The following KCNC3 variants were observed in gnomAD, a reference collection of about 807,000 sequenced individuals.
KCNC3 encodes the protein voltage-gated potassium channel KCNC3.
Under a neutral mutation model 43.9 loss-of-function variants are expected in KCNC3, and 22 were observed. The observed-to-expected ratio is 0.50, with a 90% CI of 0.36 to 0.72. KCNC3 has a LOEUF of 0.72. Among genes scored for constraint, KCNC3 ranks in the 30% least tolerant of loss-of-function variants. The pLI, the probability that KCNC3 is intolerant of heterozygous loss-of-function variation, is 0.00. For synonymous variants in KCNC3, 492 were observed against 488.0 expected (o/e 1.01, Z -0.11); for missense variants, 829 against 1,073.8 (o/e 0.77, Z 3.19).
intron 2 of KCNC3, 46 bp from the exon 3 acceptor site, chr19:50,320,830 G>A (rs2037023783): frequency 1.3e-6 from 2 of 1,592,680 alleles, no homozygotes; most frequent in African/African-American, 1.3e-5. Context: ...AGAGAGTGAG[G>A]TGCGGTGAAC....
intron 2 of KCNC3, 111 bp downstream of exon 2, chr19:50,322,863 TC>T: frequency 8.9e-7 from 1 of 1,127,196 alleles, no homozygotes. Context: ...GGTTTTTTTC[TC>T]CCTCACCTCT....
chr19:50,322,999 C>G lies in KCNC3; in HGVS notation c.1954G>C (p.Glu652Gln). The G allele has an allele frequency of 3.9e-6, 6 of 1,550,340 alleles. No individual in the cohort carries two copies. The highest frequency in any genetic ancestry group is 5.2e-6 in the Non-Finnish European group (6 of 1,147,340). Residue 652 changes from glutamate to glutamine, a missense_variant, in exon 2 of 5, where the codon GAG becomes CAG. Transcript: ENST00000477616. ...PGEPCPLAQEEVIEINRADPR... is the reference protein window; with the variant it reads ...PGEPCPLAQEQVIEINRADPR... ...CCTGCCCGGTTGATCTCAATCACCT[C>G]CTCCTGAGCCAACGGGCAAGGCTCG...
chr19:50,327,988 G>A (rs911974051), intron 1 of KCNC3, among the ~76,000 whole-genome samples: 1 of 150,838 alleles, frequency 6.6e-6, no homozygotes, highest in African/African-American at 2.4e-5. Context: ...GAGGGGTCTG[G>A]AAGAGCCCGA....
intron 1 of KCNC3, among the ~76,000 whole-genome samples, chr19:50,326,504 A>G (rs1350579102): frequency 1.3e-5 from 2 of 151,842 alleles, no homozygotes; most frequent in Non-Finnish European, 2.9e-5. Context: ...CCCGGCGCGA[A>G]TGCGGCACTG....
Position 50,323,993 on chromosome 19 carries a change from G to T in KCNC3, c.960C>A (p.Asn320Lys). The change falls in exon 2 of 5, where the codon AAC becomes AAA. Residue 320 changes from asparagine to lysine, a missense_variant. Physicochemically the swap from Asn to Lys is moderately conservative, Grantham distance 94. This residue lies in a region of KCNC3 where 157 missense variants were observed against 293.5 expected (regional missense o/e 0.53). Transcript: ENST00000477616. Reference protein sequence around the residue: ...ETHEGFIHISNKTVTQASPIP... With the variant: ...ETHEGFIHISKKTVTQASPIP... ...TCGGGGAGGCCTGGGTCACCGTCTTGTTGCTAATATGGATGAAGCCCTCAT... is the reference window on the plus strand; with the variant it reads ...TCGGGGAGGCCTGGGTCACCGTCTTTTTGCTAATATGGATGAAGCCCTCAT... 6.2e-7 allele frequency: 1 copy of T among 1,612,838 alleles called. No individual in the cohort carries two copies. Among genetic ancestry groups the T allele is most frequent in the South Asian group, 1.1e-5 (1 of 91,056 alleles).
At chr19:50,327,870 G>A (rs1376648871) in intron 1 of KCNC3, among the ~76,000 whole-genome samples, 2 of 151,710 alleles carry the variant, frequency 1.3e-5, no homozygotes, top group Admixed American at 1.3e-4. Flanking sequence ...TCTCAGAGGA[G>A]CCCAGGAAAG....
chr19:50,330,125 G>A (rs2037169466), upstream of KCNC3, among the ~76,000 whole-genome samples: 1 of 152,128 alleles, frequency 6.6e-6, no homozygotes, highest in Admixed American at 6.6e-5. Context: ...AAATTAGTCG[G>A]GCGTGGTTGT....
At chr19:50,330,859 G>C (rs1351068553), upstream of KCNC3, among the ~76,000 whole-genome samples, 1 of 152,140 alleles carries the variant, frequency 6.6e-6, no homozygotes, top group Non-Finnish European at 1.5e-5. Flanking sequence ...CGTAGGCTCC[G>C]AGAGGCAGAG....
In KCNC3 at chr19:50,324,110, G is replaced by A. The variant is rs769032604; in HGVS notation, c.871-28C>T. The A allele has an allele frequency of 6.4e-7, 1 of 1,560,060 alleles. No homozygotes were observed. The highest frequency in any genetic ancestry group is 1.2e-5 in the South Asian group (1 of 81,756). Reference sequence around the variant, plus strand: ...GCAGGGCAGGGAGGGAGAGAGAGGGGGAGAGGTGACCTAGGCATCAGGTTG... The same window carrying A: ...GCAGGGCAGGGAGGGAGAGAGAGGGAGAGAGGTGACCTAGGCATCAGGTTG... On this transcript the variant is annotated intron_variant, in intron 1 of 4. Coordinates refer to ENST00000477616, the MANE Select transcript of KCNC3 (RefSeq NM_004977.3). The surrounding 1 kb of genome is among the most constrained non-coding windows in gnomAD (Gnocchi z 4.1).
In KCNC3 at chr19:50,316,061, A is replaced by G; in HGVS notation, c.*54T>C. On this transcript the variant is annotated 3_prime_UTR_variant, in exon 5 of 5. Transcript: ENST00000477616. ...GGGGGAAGGGGCGGGGGGGACCGAAAGTCTCGCGAGGTCTCAGGCGGTGAC... is the reference window on the plus strand; with the variant it reads ...GGGGGAAGGGGCGGGGGGGACCGAAGGTCTCGCGAGGTCTCAGGCGGTGAC... 1 of 364,566 alleles carries G rather than the reference A, an allele frequency of 2.7e-6. No individual in the cohort carries two copies. Among genetic ancestry groups the G allele is most frequent in the Non-Finnish European group, 5.1e-6 (1 of 195,410 alleles). 22.6% of individuals were successfully genotyped at this position (364,566 alleles called of 1,614,324 possible).
In KCNC3 at chr19:50,329,047, C is replaced by A; in HGVS notation, c.36G>T (p.Gly12=). ...GCTGCTGCTTGCTGGCCCCCTGGCG[C>A]CCGCGGAAGGACGAGACGCAGACTG... ...LSSVCVSSFR[G]RQGASKQQPA... The change falls in exon 1 of 5, where the codon GGG becomes GGT. Residue 12 remains glycine (G), a synonymous_variant. Transcript: ENST00000477616. 7.4e-7 allele frequency: 1 copy of A among 1,348,840 alleles called. No individual in the cohort carries two copies. Among genetic ancestry groups the A allele is most frequent in the Non-Finnish European group, 9.6e-7 (1 of 1,045,966 alleles). The allele number at this position is 1,348,840 out of a possible 1,614,324, so 83.6% of individuals were successfully genotyped here.
upstream of KCNC3, among the ~76,000 whole-genome samples, chr19:50,332,420 T>C (rs1267293487): frequency 1.3e-5 from 2 of 152,084 alleles, no homozygotes; most frequent in African/African-American, 4.8e-5. This position sits in a 1 kb window ranked among gnomAD's most constrained non-coding sequence, Gnocchi z 5.8. Context: ...GCGATGCGAC[T>C]CAGGATTAGA....
rs543463048 is a variant in KCNC3 at position 50,324,648 on chromosome 19, C to T, written c.871-566G>A. On this transcript the variant is annotated intron_variant, in intron 1 of 4. Coordinates refer to ENST00000477616, the MANE Select transcript of KCNC3 (RefSeq NM_004977.3). This position sits in a 1 kb window ranked among gnomAD's most constrained non-coding sequence, Gnocchi z 4.1. ...AAACTGGGCAAGGAGACTGAGCTTT[C>T]TGAACCAGAAGTTTGTAGTGGGATT... is the stretch of plus-strand genomic sequence containing the variant. 6.6e-6 allele frequency among the ~76,000 whole-genome samples: 1 copy of T among 152,300 alleles called. No homozygotes were observed. Among genetic ancestry groups the T allele is most frequent in the Non-Finnish European group, 1.5e-5 (1 of 68,036 alleles).
rs200426120 is a variant in KCNC3, at chr19:50,323,280, T to C, written c.1673A>G (p.Lys558Arg). 25 of 1,608,894 alleles carry C rather than the reference T, an allele frequency of 1.6e-5. No individual in the cohort carries two copies. Among genetic ancestry groups the C allele is most frequent in the Non-Finnish European group, 2.0e-5 (24 of 1,180,012 alleles). Residue 558 changes from lysine (K) to arginine (R), a missense_variant, in exon 2 of 5, where the codon AAG (lysine) becomes AGG (arginine). Lys to Arg is a conservative substitution (Grantham distance 26). Transcript: ENST00000477616. ...LAMAKQKLPK[K>R]KNKHIPRPPQ... ...GGGCCGGGGGATGTGTTTGTTCTTCTTCTTGGGCAGCTTCTGCTTGGCCAT... is the reference window on the plus strand; with the variant it reads ...GGGCCGGGGGATGTGTTTGTTCTTCCTCTTGGGCAGCTTCTGCTTGGCCAT...
rs760460194 is a variant in KCNC3 at position 50,314,755 on chromosome 19, A to AT, written c.*1359dup. On this transcript the variant is annotated 3_prime_UTR_variant, in exon 5 of 5. Coordinates refer to ENST00000477616, the MANE Select transcript of KCNC3 (RefSeq NM_004977.3). ...GTTGCATATTATTAATGACTTTTTGATTTTTTTTAAAAAAACCCTTTTCCC... is the reference window on the plus strand; with the variant it reads ...GTTGCATATTATTAATGACTTTTTGATTTTTTTTTAAAAAAACCCTTTTCCC... The AT allele has an allele frequency of 3.9e-4, 170 of 435,154 alleles. No individual in the cohort carries two copies. The highest frequency in any genetic ancestry group is 6.5e-4 in the Non-Finnish European group (142 of 218,502). The allele number at this position is 435,154 out of a possible 1,614,324, so 27.0% of individuals were successfully genotyped here.
At position 50,316,047 on chromosome 19, in the gene KCNC3, C is replaced by CG. The variant is rs1404275446; in HGVS notation, c.*67dup. ...CAATTGCTAACCTGGGGGGAAGGGG[C>CG]GGGGGGGACCGAAAGTCTCGCGAGG... On this transcript the variant is annotated 3_prime_UTR_variant, in exon 5 of 5. Coordinates refer to ENST00000477616, the MANE Select transcript of KCNC3 (RefSeq NM_004977.3). 4.5e-5 allele frequency: 9 copies of CG among 201,792 alleles called. No homozygotes were observed. The highest frequency in any genetic ancestry group is 7.4e-5 in the Non-Finnish European group (8 of 108,042). 12.5% of individuals were successfully genotyped at this position (201,792 alleles called of 1,614,324 possible). A position where few individuals can be genotyped will look rare whatever the true frequency, so the allele number is the denominator to read the frequency against.
chr19:50,331,159 C>A (rs1211337465), upstream of KCNC3, among the ~76,000 whole-genome samples: 1 of 151,896 alleles, frequency 6.6e-6, no homozygotes, highest in Non-Finnish European at 1.5e-5. Flanking sequence ...TCCGACCCCT[C>A]GTTTGTAAAT....
rs1317669820 is a variant in KCNC3, at chr19:50,315,018, AG to A, written c.*1096del. The A allele has an allele frequency of 1.2e-5, 3 of 246,742 alleles. No individual in the cohort carries two copies. The highest frequency in any genetic ancestry group is 2.4e-5 in the African/African-American group (1 of 41,940). 15.3% of individuals were successfully genotyped at this position (246,742 alleles called of 1,614,324 possible). A position where few individuals can be genotyped will look rare whatever the true frequency, so the allele number is the denominator to read the frequency against. On this transcript the variant is annotated 3_prime_UTR_variant, in exon 5 of 5. Transcript: ENST00000477616. ...GGGGGGTGGGGAGGTGTGCAGACAC[AG>A]GGGGGAAGCACGAAGATGGGGTGCA...
rs3745512 is a variant in KCNC3, at chr19:50,313,426, A to C, written c.*2689T>G. The C allele has an allele frequency of 0.24, 36,235 of 152,168 alleles. 4,398 individuals are homozygous for C. Among genetic ancestry groups the C allele is most frequent in the Admixed American group, 0.31 (4,691 of 15,284 alleles). The allele number at this position is 152,168 out of a possible 1,614,324, so 9.4% of individuals were successfully genotyped here. ...TGTACAAAATGCGTATTAGAGACAA[A>C]ACTTTTAAAACAAGTGTTTGTCCTC... On this transcript the variant is annotated 3_prime_UTR_variant, in exon 5 of 5. Transcript: ENST00000477616.
Sources: gnomAD v4.1 joint callset for allele counts (sites outside exome capture counted in the v4.1 genomes callset) on GRCh38, gnomAD v4.1.1 for gene constraint, gnomAD v4.1.1 regional missense constraint, Gnocchi (gnomAD v3.1) non-coding constraint, MANE v1.5 for transcripts, NCBI Gene and HGNC (gene_info 2026-07-23, HGNC 2026-07-21) for gene names.